Variants in TENM2 observed in about 807,000 individuals in gnomAD.
The protein encoded by TENM2 is teneurin transmembrane protein 2, also known as teneurin-2.
A neutral mutation model predicts 245.2 loss-of-function variants in TENM2; 52 were observed. That is an observed-to-expected ratio of 0.21 (90% CI 0.17 to 0.27). TENM2 has a LOEUF of 0.27. TENM2 is among the 10% of genes least tolerant of loss of function. The pLI is 1.00. For missense variants in TENM2, 3,046 were observed against 3,666.8 expected, an observed-to-expected ratio of 0.83 and a Z score of 4.37; for synonymous variants, 1,363 against 1,438.9, an observed-to-expected ratio of 0.95 and a Z score of 1.19.
intron 2 of TENM2, among the ~76,000 whole-genome samples, chr5:167,398,045 A>G (rs1440933552): frequency 6.6e-6 from 1 of 152,176 alleles, no homozygotes; most frequent in African/African-American, 2.4e-5. Context: ...GGCTTAGTAG[A>G]AAAAGTCTAG....
intron 2 of TENM2, among the ~76,000 whole-genome samples, chr5:167,781,961 T>G (rs1039138529): frequency 5.3e-5 from 8 of 151,222 alleles, no homozygotes; most frequent in Admixed American, 5.3e-4. Flanking sequence ...GAGCCATGAT[T>G]GCATCGTTGC....
chr5:167,442,958 T>G (rs1764953495), intron 2 of TENM2, among the ~76,000 whole-genome samples: 1 of 152,192 alleles, frequency 6.6e-6, no homozygotes, highest in African/African-American at 2.4e-5. Flanking sequence ...TTGGAGTTGC[T>G]CAATTTGCTT....
At chr5:168,072,811 C>CT (rs1314726954) in intron 7 of TENM2, among the ~76,000 whole-genome samples, 1 of 152,204 alleles carries the variant, frequency 6.6e-6, no homozygotes, top group African/African-American at 2.4e-5. Flanking sequence ...TCTAACTGGC[C>CT]TACAACACTT....
chr5:167,133,505 G>C, the TENM2 span, among the ~76,000 whole-genome samples: 1 of 151,920 alleles, frequency 6.6e-6, no homozygotes, highest in African/African-American at 2.4e-5. Context: ...TCAAATACCT[G>C]TGGAGTTAGG....
intron 2 of TENM2, among the ~76,000 whole-genome samples, chr5:167,791,496 T>TAGA (rs1764968865): frequency 2.0e-5 from 1 of 50,644 alleles, no homozygotes; most frequent in South Asian, 6.3e-4. Context: ...ATAATGTATA[T>TAGA]TTTTATATAT....
At chr5:167,228,450 T>C in the TENM2 span, among the ~76,000 whole-genome samples, 2 of 152,046 alleles carry the variant, frequency 1.3e-5, no homozygotes, top group East Asian at 1.9e-4. Context: ...TGTATATCTC[T>C]GTGGCAAATT....
chr5:167,325,586 A>G (rs1182009435), intron 1 of TENM2, among the ~76,000 whole-genome samples: 1 of 152,228 alleles, frequency 6.6e-6, no homozygotes, highest in Non-Finnish European at 1.5e-5. Flanking sequence ...AAGTGGACTT[A>G]CAAGACTTCC....
At chr5:167,301,955 G>C (rs1243791320) in intron 1 of TENM2, among the ~76,000 whole-genome samples, 1 of 151,948 alleles carries the variant, frequency 6.6e-6, no homozygotes. Context: ...GACCTAGCTC[G>C]GCCTGGCAAA....
intron 13 of TENM2, chr5:168,187,134 T>C (rs1049749387): frequency 6.6e-6 from 1 of 152,212 alleles, no homozygotes; most frequent in Admixed American, 6.5e-5. Flanking sequence ...TTGTATCCTA[T>C]TTTCTTTCTG....
the TENM2 span, among the ~76,000 whole-genome samples, chr5:167,268,267 G>T: frequency 6.6e-6 from 1 of 152,100 alleles, no homozygotes; most frequent in East Asian, 1.9e-4. Flanking sequence ...CAGCAGTCAG[G>T]CAATAACTAA....
chr5:168,106,995 G>T (rs1234616912), intron 9 of TENM2, among the ~76,000 whole-genome samples: 1 of 152,158 alleles, frequency 6.6e-6, no homozygotes. Context: ...AGGAGGTGGA[G>T]GTTGCAATGA....
rs1315088841 is a variant in TENM2, at chr5:167,353,481, G to GT, written c.227-21711dup. Among the ~76,000 whole-genome samples the GT allele has an allele frequency of 2.2e-3, 146 of 67,108 alleles. 2 individuals carry two copies. Among genetic ancestry groups the GT allele is most frequent in the South Asian group, 3.8e-3 (5 of 1,324 alleles). The allele number at this position is 67,108 out of a possible 152,430, so 44.0% of individuals were successfully genotyped here. ...ATGATGGCAGTGAATAGTATATGGTGTTTTTTGTTGTTGTTGTTGTTTTTT... is the reference window on the plus strand; with the variant it reads ...ATGATGGCAGTGAATAGTATATGGTGTTTTTTTGTTGTTGTTGTTGTTTTTT... On this transcript the variant is annotated intron_variant, in intron 1 of 28. Coordinates refer to ENST00000518659, the Ensembl canonical transcript of TENM2.
intron 3 of TENM2, among the ~76,000 whole-genome samples, chr5:167,926,647 G>A (rs552485000): frequency 6.6e-6 from 1 of 151,928 alleles, no homozygotes; most frequent in South Asian, 2.1e-4. Flanking sequence ...CTTGAACCCA[G>A]GAGGCAGAGG....
chr5:167,453,575 C>T (rs1765734550), intron 2 of TENM2, among the ~76,000 whole-genome samples: 5 of 152,126 alleles, frequency 3.3e-5, no homozygotes, highest in African/African-American at 7.2e-5. Context: ...TCAGTTTCTT[C>T]ATTTTTAAGA....
intron 12 of TENM2, among the ~76,000 whole-genome samples, chr5:168,144,844 G>T (rs1177267841): frequency 6.6e-6 from 1 of 151,132 alleles, no homozygotes; most frequent in African/African-American, 2.4e-5. Flanking sequence ...AGCACCTGTT[G>T]TTTCCTGACT....
chr5:167,681,962 G>A (rs1389587027), intron 2 of TENM2, among the ~76,000 whole-genome samples: 1 of 151,982 alleles, frequency 6.6e-6, no homozygotes, highest in Non-Finnish European at 1.5e-5. Flanking sequence ...TTGTGTGCGT[G>A]CATGTGTGCA....
the TENM2 span, among the ~76,000 whole-genome samples, chr5:167,096,322 A>G: frequency 2.6e-4 from 39 of 152,230 alleles, no homozygotes; most frequent in African/African-American, 9.1e-4. Context: ...TATGTTTTAA[A>G]TTACCCCTGT....
At chr5:167,687,575 G>A (rs888900435) in intron 2 of TENM2, among the ~76,000 whole-genome samples, 2 of 152,114 alleles carry the variant, frequency 1.3e-5, no homozygotes, top group Non-Finnish European at 2.9e-5. Context: ...CACTTACTGT[G>A]CTAGCATTGA....
chr5:167,994,725 C>T (rs776872341), intron 5 of TENM2, among the ~76,000 whole-genome samples: 2 of 152,182 alleles, frequency 1.3e-5, no homozygotes, highest in Non-Finnish European at 2.9e-5. Context: ...GTGTAGCTTG[C>T]ACTCTAAACC....
Sources: allele counts gnomAD v4.1 joint callset (sites outside exome capture counted in the v4.1 genomes callset), GRCh38; gene constraint gnomAD v4.1.1; transcripts MANE v1.5; gene names NCBI Gene and HGNC (gene_info 2026-07-23, HGNC 2026-07-21).